Variants in CRACD observed in about 807,000 individuals in gnomAD.
CRACD encodes capping protein inhibiting regulator of actin dynamics.
A neutral mutation model predicts 106.8 loss-of-function variants in CRACD; 56 were observed. The observed-to-expected ratio is 0.52, with a 90% confidence interval of 0.42 to 0.66. The LOEUF (loss-of-function observed/expected upper bound fraction) is 0.66, where lower values mean the gene tolerates loss of function less well. CRACD is among the 30% of genes least tolerant of loss of function. The pLI, the probability that CRACD is intolerant of heterozygous loss-of-function variation, is 0.00. For missense variants in CRACD, 1,730 were observed against 1,623.2 expected, an observed-to-expected ratio of 1.07 and a Z score of -1.13; for synonymous variants, 754 against 670.8, an observed-to-expected ratio of 1.12 and a Z score of -1.92.
intron 1 of CRACD, among the ~76,000 whole-genome samples, chr4:56,106,185 C>A (rs1192301743): frequency 6.6e-6 from 1 of 152,190 alleles, no homozygotes; most frequent in African/African-American, 2.4e-5. Flanking sequence ...CAAGTCCAGA[C>A]TTCTTGTCTT....
Position 56,160,662 on chromosome 4 carries a change from G to T in CRACD, c.-335-18622G>T, listed in dbSNP as rs79515341. 6.9e-3 allele frequency among the ~76,000 whole-genome samples: 1,045 copies of T among 152,362 alleles called. 13 individuals carry two copies. Among genetic ancestry groups the T allele is most frequent in the African/African-American group, 0.024 (1,002 of 41,584 alleles). ...CATCAGCTATGTTGTCTTTGGGCAA[G>T]CTGCTTAAACCTTGGGAGTCCCAGT... On this transcript the variant is annotated intron_variant, in intron 1 of 10. Transcript: ENST00000682029.
chr4:56,108,863 A>G (rs757969387), intron 1 of CRACD, among the ~76,000 whole-genome samples: 3 of 152,246 alleles, frequency 2.0e-5, no homozygotes, highest in Non-Finnish European at 2.9e-5. Flanking sequence ...TACGAACTTC[A>G]AAGCGGAACC....
intron 2 of CRACD, among the ~76,000 whole-genome samples, chr4:56,239,079 G>A (rs1740190371): frequency 6.6e-6 from 1 of 152,116 alleles, no homozygotes; most frequent in Admixed American, 6.5e-5. Context: ...GGTCACTTGA[G>A]GTCAGGAATT....
At chr4:56,235,034 A>G (rs1160205384) in intron 2 of CRACD, among the ~76,000 whole-genome samples, 1 of 152,204 alleles carries the variant, frequency 6.6e-6, no homozygotes, top group Non-Finnish European at 1.5e-5. Flanking sequence ...TCAACAGTTC[A>G]TTGCATTTGT....
rs929700755 is a variant in CRACD, at chr4:56,327,507, A to G, written c.3542-137A>G. ...GATTTAGCTATTTCACAATGTATAC[A>G]TATTTCAAAACAATGTTGTACATGA... is the stretch of plus-strand genomic sequence containing the variant. On this transcript the variant is annotated intron_variant, in intron 10 of 10. Transcript: ENST00000682029. 3 of 718,926 alleles carry G rather than the reference A, an allele frequency of 4.2e-6. No homozygotes were observed. In the Admixed American group the frequency reaches 8.3e-5, roughly 20 times the overall value. The allele number at this position is 718,926 out of a possible 1,614,324, so 44.5% of individuals were successfully genotyped here.
chr4:56,165,805 T>C (rs1226019195), intron 1 of CRACD, among the ~76,000 whole-genome samples: 1 of 152,214 alleles, frequency 6.6e-6, no homozygotes, highest in East Asian at 1.9e-4. Context: ...GCTTATTAAA[T>C]TAGCAAGCAA....
At chr4:56,271,272 G>A (rs1359887696) in intron 2 of CRACD, among the ~76,000 whole-genome samples, 1 of 152,156 alleles carries the variant, frequency 6.6e-6, no homozygotes, top group East Asian at 1.9e-4. Context: ...GAAGGAATTT[G>A]TATCCAAAGG....
At chr4:56,207,743 CTCAT>C (rs1440037779) in intron 2 of CRACD, among the ~76,000 whole-genome samples, 4 of 73,654 alleles carry the variant, frequency 5.4e-5, no homozygotes, top group African/African-American at 2.5e-4. Flanking sequence ...AACTTGTTTT[CTCAT>C]ATATATATAT....
At chr4:56,200,326 T>C (rs907741105) in intron 2 of CRACD, among the ~76,000 whole-genome samples, 8 of 152,184 alleles carry the variant, frequency 5.3e-5, no homozygotes, top group African/African-American at 1.4e-4. Flanking sequence ...TAATCATCAG[T>C]TGGGAACCCA....
At chr4:56,287,571 G>A (rs1743444721) in intron 3 of CRACD, among the ~76,000 whole-genome samples, 1 of 152,132 alleles carries the variant, frequency 6.6e-6, no homozygotes, top group Admixed American at 6.5e-5. Context: ...AAGAGCCACT[G>A]TGCCCGGCGA....
chr4:56,103,955 C>T (rs68173962), intron 1 of CRACD, among the ~76,000 whole-genome samples: 32,944 of 151,988 alleles, frequency 0.22, 3,744 homozygotes, highest in Middle Eastern at 0.29. Flanking sequence ...TTTGTATTTA[C>T]TAGAGACGGG....
chr4:56,209,073 A>G (rs1738273612), intron 2 of CRACD, among the ~76,000 whole-genome samples: 1 of 152,228 alleles, frequency 6.6e-6, no homozygotes, highest in Admixed American at 6.5e-5. Flanking sequence ...TCAAAAGAGA[A>G]AACCAAATTT....
intron 2 of CRACD, among the ~76,000 whole-genome samples, chr4:56,259,423 T>A (rs2109610737): frequency 6.6e-6 from 1 of 152,244 alleles, no homozygotes; most frequent in South Asian, 2.1e-4. Flanking sequence ...TAGATAAGCT[T>A]GCCCTGTAGG....
At chr4:56,171,709 G>A (rs1736371457) in intron 1 of CRACD, among the ~76,000 whole-genome samples, 1 of 152,226 alleles carries the variant, frequency 6.6e-6, no homozygotes, top group South Asian at 2.1e-4. Context: ...TATCAACATT[G>A]TAGCTTAGCT....
intron 1 of CRACD, among the ~76,000 whole-genome samples, chr4:56,067,350 A>G (rs1019735038): frequency 1.3e-5 from 2 of 152,216 alleles, no homozygotes; most frequent in African/African-American, 2.4e-5. Flanking sequence ...GTGCTGAAGA[A>G]TCTGGCCTGC....
chr4:56,124,149 G>T (rs1734582063), intron 1 of CRACD, among the ~76,000 whole-genome samples: 1 of 152,056 alleles, frequency 6.6e-6, no homozygotes, highest in South Asian at 2.1e-4. Context: ...TGTTGGCCAG[G>T]CTAGTCTTGA....
At chr4:56,236,183 G>A (rs1375761564) in intron 2 of CRACD, among the ~76,000 whole-genome samples, 1 of 152,120 alleles carries the variant, frequency 6.6e-6, no homozygotes, top group Non-Finnish European at 1.5e-5. Flanking sequence ...GGGGACTTTG[G>A]AGAGAAAAAC....
chr4:56,275,891 G>A (rs1387109758), intron 3 of CRACD, among the ~76,000 whole-genome samples: 1 of 152,180 alleles, frequency 6.6e-6, no homozygotes, highest in African/African-American at 2.4e-5. Flanking sequence ...TGCCCACAAA[G>A]GTTGAGGCCA....
intron 1 of CRACD, among the ~76,000 whole-genome samples, chr4:56,072,859 G>T (rs1336527784): frequency 6.6e-6 from 1 of 151,870 alleles, no homozygotes; most frequent in Non-Finnish European, 1.5e-5. Context: ...TGCAGTGTTT[G>T]GTTTTCTGTT....
Sources: gnomAD v4.1 joint callset for allele counts (sites outside exome capture counted in the v4.1 genomes callset) on GRCh38, gnomAD v4.1.1 for gene constraint, MANE v1.5 for transcripts, NCBI Gene and HGNC (gene_info 2026-07-23, HGNC 2026-07-21) for gene names.